The following MYOM3 variants were observed in gnomAD, a reference collection of about 807,000 sequenced individuals.
The protein encoded by MYOM3 is myomesin 3.
In MYOM3, 155 loss-of-function variants were observed where a neutral mutation model predicts 191.7. That is an observed-to-expected ratio of 0.81 (90% CI 0.71 to 0.92). MYOM3 has a LOEUF of 0.92. Ranked by LOEUF, MYOM3 falls within the 40% of genes least tolerant of loss-of-function variation. MYOM3 has a pLI of 0.00. For synonymous variants in MYOM3, 757 were observed against 762.9 expected, an observed-to-expected ratio of 0.99 and a Z score of 0.13; for missense variants, 1,889 against 1,890.6, an observed-to-expected ratio of 1.00 and a Z score of 0.02.
chr1:24,099,588 G>T, intron 6 of MYOM3, 92 bp downstream of exon 6: 2 of 987,026 alleles, frequency 2.0e-6, no homozygotes, highest in Non-Finnish European at 3.2e-6. Flanking sequence ...GTGAACTTGG[G>T]CCTCAGCTCC....
chr1:24,097,681 G>A (rs942959938), intron 7 of MYOM3, among the ~76,000 whole-genome samples: 6 of 152,294 alleles, frequency 3.9e-5, no homozygotes, highest in Admixed American at 3.3e-4. Context: ...CAACCCACAG[G>A]GACAGGTGAT....
chr1:24,089,692 G>A (rs1357605405), intron 13 of MYOM3, 27 bp from the exon 14 acceptor site: 2 of 1,553,896 alleles, frequency 1.3e-6, no homozygotes, highest in Middle Eastern at 1.7e-4. Flanking sequence ...CCGGGACCGA[G>A]ATGGTTGGAC....
At chr1:24,081,800 G>T in intron 18 of MYOM3, 1 of 614,958 alleles carries the variant, frequency 1.6e-6, no homozygotes, top group Non-Finnish European at 2.8e-6. Flanking sequence ...AAACTCCTGA[G>T]CTCAAGCAAT....
intron 2 of MYOM3, 161 bp from the exon 3 acceptor site, chr1:24,108,234 G>A (rs918474240): frequency 2.9e-5 from 21 of 719,808 alleles, no homozygotes; most frequent in East Asian, 2.0e-4. Flanking sequence ...GCATCCCCCC[G>A]ACCCTGAATG....
chr1:24,108,066 C>T lies in MYOM3; in HGVS notation c.169G>A (p.Glu57Lys), dbSNP rs768802838. ...TAGTCCGCGGCGCTGAACTCATGCT[C>T]TTCTTCGCTGCTCCCAGAAGGAGGG... ...RRRTFRSSEE[E>K]HEFSAADYAL... The change falls in exon 3 of 37, where the codon GAG becomes AAG. Residue 57 changes from glutamate (E) to lysine (K), a missense_variant. Physicochemically the swap from Glu to Lys is moderately conservative, Grantham distance 56. Transcript: ENST00000374434. 6 of 1,613,626 alleles carry T rather than the reference C, an allele frequency of 3.7e-6. No homozygotes were observed. The South Asian group carries it at 6.6e-5, about 18-fold the overall frequency.
At chr1:24,081,272 G>T in intron 19 of MYOM3, 58 bp downstream of exon 19, 1 of 1,602,126 alleles carries the variant, frequency 6.2e-7, no homozygotes, top group East Asian at 2.2e-5. Flanking sequence ...ATCTCATTGG[G>T]TAGGTTTGGG....
intron 5 of MYOM3, among the ~76,000 whole-genome samples, chr1:24,102,235 C>T (rs556041493): frequency 2.0e-5 from 3 of 152,302 alleles, no homozygotes; most frequent in Admixed American, 2.0e-4. Flanking sequence ...AGCCTGGCCC[C>T]CTCCTGAAAG....
At chr1:24,076,346 G>A in intron 20 of MYOM3, 73 bp from the exon 21 acceptor site, 1 of 1,089,298 alleles carries the variant, frequency 9.2e-7, no homozygotes, top group South Asian at 1.3e-5. Flanking sequence ...CCAGGGAGCA[G>A]GGAGCCACTC....
At position 24,067,325 on chromosome 1, in the gene MYOM3, C is replaced by CT. The variant is rs1329393614; in HGVS notation, c.3356-238dup. On this transcript the variant is annotated intron_variant, in intron 27 of 36. Coordinates refer to ENST00000374434, the MANE Select transcript of MYOM3 (RefSeq NM_152372.4). ...CTTTCCTTCTTTCTTTCTTTCTTTC[C>CT]TTCTTTCTTTCTTTCTTTCTTTCTT... is the stretch of plus-strand genomic sequence containing the variant. Among the ~76,000 whole-genome samples, 3 of 58,916 alleles carry CT rather than the reference C, an allele frequency of 5.1e-5. 1 individual carries two copies. Among genetic ancestry groups the CT allele is most frequent in the African/African-American group, 1.2e-4 (2 of 16,038 alleles). The allele number at this position is 58,916 out of a possible 152,430, so 38.7% of individuals were successfully genotyped here.
intron 4 of MYOM3, among the ~76,000 whole-genome samples, chr1:24,106,729 C>T (rs991514259): frequency 2.6e-5 from 4 of 152,172 alleles, no homozygotes; most frequent in East Asian, 1.9e-4. Context: ...ATTACAGGCC[C>T]AGGTAATTTT....
At chr1:24,057,935 T>C (rs1004233962) in intron 36 of MYOM3, among the ~76,000 whole-genome samples, 6 of 152,038 alleles carry the variant, frequency 3.9e-5, no homozygotes, top group Non-Finnish European at 8.8e-5. Flanking sequence ...GCCTCCTGAG[T>C]AGTTGGGGTT....
chr1:24,066,011 G>C lies in MYOM3; in HGVS notation c.3424-10C>G. Reference sequence around the variant, plus strand: ...TCTTGGTGTTGGTCACCTGGGGAAGGTGGGGAATGAGGAGACTCTGTCAGG... The same window carrying C: ...TCTTGGTGTTGGTCACCTGGGGAAGCTGGGGAATGAGGAGACTCTGTCAGG... On this transcript the variant is annotated splice_polypyrimidine_tract_variant and intron_variant, in intron 28 of 36. Coordinates refer to ENST00000374434, the MANE Select transcript of MYOM3 (RefSeq NM_152372.4). The C allele has an allele frequency of 6.3e-7, 1 of 1,576,316 alleles. No homozygotes were observed. The highest frequency in any genetic ancestry group is 8.7e-7 in the Non-Finnish European group (1 of 1,145,346).
chr1:24,066,951 C>T, intron 28 of MYOM3, 70 bp downstream of exon 28: 1 of 1,422,208 alleles, frequency 7.0e-7, no homozygotes, highest in Non-Finnish European at 9.6e-7. Context: ...GCAGGGACAG[C>T]AACTGGGCTT....
chr1:24,080,355 C>T, intron 19 of MYOM3, among the ~76,000 whole-genome samples, 161 bp from the exon 20 acceptor site: 1 of 152,188 alleles, frequency 6.6e-6, no homozygotes, highest in East Asian at 1.9e-4. Context: ...CCGGGCCAAC[C>T]TTGGCTTCAT....
rs771860939 is a variant in MYOM3 at position 24,090,833 on chromosome 1, C to A, written c.1396G>T (p.Val466Phe). The A allele has an allele frequency of 6.2e-7, 1 of 1,614,160 alleles. No individual in the cohort carries two copies. Among genetic ancestry groups the A allele is most frequent in the Non-Finnish European group, 8.5e-7 (1 of 1,180,006 alleles). ...CGGGCTGCATCATGGTCACCCATGA[C>A]AACCAACTCTGAGGCCTTGGAGGGG... ...SVPSKASELVVMGDHDAARRK... is the reference protein window; with the variant it reads ...SVPSKASELVFMGDHDAARRK... The change falls in exon 12 of 37, where the codon GTC (valine) becomes TTC (phenylalanine). Residue 466 changes from valine to phenylalanine, a missense_variant. By Grantham distance (50) the Val-to-Phe change is conservative (BLOSUM62 -1). Coordinates refer to ENST00000374434, the MANE Select transcript of MYOM3 (RefSeq NM_152372.4).
At chr1:24,079,968 G>A in intron 20 of MYOM3, 48 bp downstream of exon 20, 1 of 1,499,562 alleles carries the variant, frequency 6.7e-7, no homozygotes, top group Non-Finnish European at 9.1e-7. Context: ...TGCTCTAGTG[G>A]CAGGGAAGGC....
intron 5 of MYOM3, among the ~76,000 whole-genome samples, chr1:24,104,813 G>A (rs901828067): frequency 6.6e-6 from 1 of 152,200 alleles, no homozygotes; most frequent in Non-Finnish European, 1.5e-5. Flanking sequence ...TTCCCAAAGT[G>A]CTGGAGGTGG....
Position 24,056,821 on chromosome 1 carries a change from C to T in MYOM3, c.*543G>A, listed in dbSNP as rs978629507. ...GAGTTGTTTGCGCCCAGGTCTGTTT[C>T]TCCCACTGGACTGAGGCCTCTTTGC... On this transcript the variant is annotated 3_prime_UTR_variant, in exon 37 of 37. Transcript: ENST00000374434. 6.5e-6 allele frequency: 1 copy of T among 153,372 alleles called. No homozygotes were observed. The highest frequency in any genetic ancestry group is 2.4e-5 in the African/African-American group (1 of 41,468). The allele number at this position is 153,372 out of a possible 1,614,324, so 9.5% of individuals were successfully genotyped here. A position where few individuals can be genotyped will look rare whatever the true frequency, so the allele number is the denominator to read the frequency against.
Position 24,075,481 on chromosome 1 carries a change from G to A in MYOM3, c.2702-6C>T, listed in dbSNP as rs755818723. 172 of 1,556,340 alleles carry A rather than the reference G, an allele frequency of 1.1e-4. 1 individual carries two copies. Among genetic ancestry groups the A allele is most frequent in the Admixed American group, 1.6e-4 (8 of 49,772 alleles). ...AACCTCGATCTCATGGGCACCTGAG[G>A]GCGAGATCCAACAGAGGGCAGCGGA... On this transcript the variant is annotated splice_region_variant and splice_polypyrimidine_tract_variant and intron_variant, in intron 21 of 36. Transcript: ENST00000374434.
Sources: allele counts gnomAD v4.1 joint callset (sites outside exome capture counted in the v4.1 genomes callset), GRCh38; gene constraint gnomAD v4.1.1; transcripts MANE v1.5; gene names NCBI Gene and HGNC (gene_info 2026-07-23, HGNC 2026-07-21).